FOXJ3: variants seen among roughly 807,000 people sequenced by gnomAD.
FOXJ3 encodes forkhead box J3.
A neutral mutation model predicts 76.1 loss-of-function variants in FOXJ3; 22 were observed. The ratio of observed to expected loss-of-function variants is 0.29; its 90% CI spans 0.21 to 0.41. FOXJ3 has a LOEUF of 0.41. Among genes scored for constraint, FOXJ3 ranks in the 10% least tolerant of loss-of-function variants. FOXJ3 has a pLI of 1.00. For synonymous variants in FOXJ3, 269 were observed against 261.2 expected, an observed-to-expected ratio of 1.03 and a Z score of -0.29; for missense variants, 613 against 762.1, an observed-to-expected ratio of 0.80 and a Z score of 2.30.
chr1:42,206,020 T>C lies in FOXJ3; in HGVS notation c.529-157A>G, dbSNP rs975899030. On this transcript the variant is annotated intron_variant, in intron 5 of 12. Transcript: ENST00000361346. ...TAGTGAAATCTCTTCTACTAAATTT[T>C]AGTATGCTACTGACTTGATATTACA... 4 of 583,464 alleles carry C rather than the reference T, an allele frequency of 6.9e-6. No individual in the cohort carries two copies. In the Admixed American group the frequency reaches 9.8e-5, roughly 14 times the overall value. 36.1% of individuals were successfully genotyped at this position (583,464 alleles called of 1,614,324 possible). A position where few individuals can be genotyped will look rare whatever the true frequency, so the allele number is the denominator to read the frequency against.
At position 42,176,741 on chromosome 1, in the gene FOXJ3, A is replaced by C. The variant is rs1361672766; in HGVS notation, c.*2969T>G. ...AGAAACATTAAAACACTGACTGTCC[A>C]ACAGCAGTACAGAGAGCAGGTTGTA... On this transcript the variant is annotated 3_prime_UTR_variant, in exon 13 of 13. Transcript: ENST00000361346. 6.6e-6 allele frequency: 1 copy of C among 152,662 alleles called. No individual in the cohort carries two copies. The highest frequency in any genetic ancestry group is 2.1e-4 in the South Asian group (1 of 4,838). 9.5% of individuals were successfully genotyped at this position (152,662 alleles called of 1,614,324 possible).
chr1:42,308,977 A>G (rs1654633219), intron 2 of FOXJ3, among the ~76,000 whole-genome samples: 1 of 151,126 alleles, frequency 6.6e-6, no homozygotes, highest in African/African-American at 2.4e-5. Flanking sequence ...AGTGGACACT[A>G]AAGAAATAAC....
intron 2 of FOXJ3, among the ~76,000 whole-genome samples, chr1:42,308,575 T>C (rs1267978517): frequency 6.6e-6 from 1 of 152,114 alleles, no homozygotes; most frequent in Non-Finnish European, 1.5e-5. Flanking sequence ...CTAAATATCA[T>C]GACTCCGAAT....
intron 5 of FOXJ3, among the ~76,000 whole-genome samples, chr1:42,217,827 C>T (rs969941191): frequency 2.6e-5 from 4 of 152,132 alleles, no homozygotes; most frequent in African/African-American, 9.7e-5. Flanking sequence ...CCCAAAACTC[C>T]TCAACTTATA....
intron 8 of FOXJ3, 37 bp from the exon 9 acceptor site, chr1:42,191,756 A>G: frequency 6.3e-7 from 1 of 1,588,984 alleles, no homozygotes; most frequent in African/African-American, 1.3e-5. Context: ...GTCAGATTTC[A>G]GTTGTATTTT....
At chr1:42,234,748 T>C (rs1047936901) in intron 4 of FOXJ3, among the ~76,000 whole-genome samples, 1 of 152,132 alleles carries the variant, frequency 6.6e-6, no homozygotes, top group Non-Finnish European at 1.5e-5. Flanking sequence ...TGCCTGACCG[T>C]TCCTCTGGAA....
intron 4 of FOXJ3, among the ~76,000 whole-genome samples, chr1:42,235,698 G>A (rs1648566868): frequency 1.3e-5 from 2 of 152,108 alleles, no homozygotes; most frequent in African/African-American, 2.4e-5. Context: ...AGGTAGCTGG[G>A]ATTACAGGCG....
chr1:42,277,341 G>C (rs1464096365), intron 3 of FOXJ3, among the ~76,000 whole-genome samples: 1 of 141,214 alleles, frequency 7.1e-6, no homozygotes, highest in African/African-American at 2.6e-5. Context: ...TTGGGTAACA[G>C]AGCAAGACCT....
At chr1:42,291,985 G>A (rs957311726) in intron 2 of FOXJ3, among the ~76,000 whole-genome samples, 6 of 152,072 alleles carry the variant, frequency 3.9e-5, no homozygotes, top group South Asian at 2.1e-4. Context: ...TCAGGGTCCC[G>A]ATGCCGGTGG....
At chr1:42,187,233 C>A (rs1381474397) in intron 11 of FOXJ3, among the ~76,000 whole-genome samples, 1 of 152,208 alleles carries the variant, frequency 6.6e-6, no homozygotes, top group East Asian at 1.9e-4. Flanking sequence ...CAGGTACTTA[C>A]CCCCAAACAC....
chr1:42,306,298 CTTTTTTTTTTTTTTTT>C (rs9326121), intron 2 of FOXJ3, among the ~76,000 whole-genome samples: 1 of 81,692 alleles, frequency 1.2e-5, no homozygotes, highest in Non-Finnish European at 2.3e-5. Context: ...GAACTTTTTT[CTTTTTTTTTTTTTTTT>C]TTTTTTTGGA....
chr1:42,239,287 G>C (rs1301514040), intron 4 of FOXJ3, among the ~76,000 whole-genome samples: 1 of 150,048 alleles, frequency 6.7e-6, no homozygotes, highest in Non-Finnish European at 1.5e-5. Flanking sequence ...CCTCTAACAG[G>C]ATTTTGAATA....
chr1:42,318,077 A>T (rs1655227038), intron 1 of FOXJ3, among the ~76,000 whole-genome samples: 1 of 152,198 alleles, frequency 6.6e-6, no homozygotes, highest in Non-Finnish European at 1.5e-5. Flanking sequence ...ACTTAAAATG[A>T]GATCTGACAA....
intron 1 of FOXJ3, among the ~76,000 whole-genome samples, chr1:42,324,124 CAG>C (rs1655637920): frequency 2.3e-5 from 3 of 130,158 alleles, no homozygotes; most frequent in Non-Finnish European, 4.8e-5. Flanking sequence ...TGTATATACA[CAG>C]TGTATATACA....
chr1:42,213,742 A>C (rs1429740009), intron 5 of FOXJ3, among the ~76,000 whole-genome samples: 1 of 152,188 alleles, frequency 6.6e-6, no homozygotes, highest in East Asian at 1.9e-4. Context: ...TTACATGTGG[A>C]TTCTAAAAAA....
chr1:42,224,206 C>T (rs1017502273), intron 5 of FOXJ3, among the ~76,000 whole-genome samples: 1 of 152,112 alleles, frequency 6.6e-6, no homozygotes. Flanking sequence ...CCATTTTATT[C>T]AGTATCTTTT....
intron 5 of FOXJ3, among the ~76,000 whole-genome samples, chr1:42,218,615 C>CT (rs1647118559): frequency 1.3e-5 from 2 of 152,208 alleles, no homozygotes; most frequent in East Asian, 1.9e-4. Flanking sequence ...CCTAACTGAT[C>CT]TTTTGCCCTT....
At chr1:42,287,979 A>G (rs1324714121) in intron 2 of FOXJ3, among the ~76,000 whole-genome samples, 1 of 152,168 alleles carries the variant, frequency 6.6e-6, no homozygotes, top group Non-Finnish European at 1.5e-5. Flanking sequence ...AAAATAAAAT[A>G]AAAATAGAAC....
At position 42,231,757 on chromosome 1, in the gene FOXJ3, C is replaced by G. The variant is rs141671503; in HGVS notation, c.445-3791G>C. 4.9e-3 allele frequency among the ~76,000 whole-genome samples: 742 copies of G among 152,208 alleles called. 2 individuals carry two copies. The highest frequency in any genetic ancestry group is 8.8e-3 in the Non-Finnish European group (601 of 68,004). ...TCCAAAGCTGAAGTGATCCCGAGCC[C>G]CACAAGTAGCTGAGACCACAGGTCC... On this transcript the variant is annotated intron_variant, in intron 4 of 12. Transcript: ENST00000361346.
Sources: gnomAD v4.1 joint callset for allele counts (sites outside exome capture counted in the v4.1 genomes callset) on GRCh38, gnomAD v4.1.1 for gene constraint, MANE v1.5 for transcripts, NCBI Gene and HGNC (gene_info 2026-07-23, HGNC 2026-07-21) for gene names.